The following NAPB variants were observed in gnomAD, a reference collection of about 807,000 sequenced individuals.
NAPB encodes beta-soluble NSF attachment protein.
NAPB carries 26 observed loss-of-function variants against 44.7 expected under a neutral mutation model. That is an observed-to-expected ratio of 0.58 (90% confidence interval 0.43 to 0.81). The LOEUF is 0.81. Among genes scored for constraint, NAPB ranks in the 30% least tolerant of loss-of-function variants. The pLI, the probability that NAPB is intolerant of heterozygous loss-of-function variation, is 0.00. For missense variants in NAPB, 315 were observed against 356.4 expected (o/e 0.88, Z 0.94); for synonymous variants, 120 against 116.8 (o/e 1.03, Z -0.18).
At chr20:23,407,565 C>T (rs1044631110) in intron 1 of NAPB, among the ~76,000 whole-genome samples, 6 of 152,044 alleles carry the variant, frequency 3.9e-5, no homozygotes, top group African/African-American at 1.2e-4. Flanking sequence ...CCAGGTGAAC[C>T]ACCCTTGCAT....
chr20:23,395,040 C>G, intron 4 of NAPB, 41 bp from the exon 5 acceptor site: 1 of 1,612,816 alleles, frequency 6.2e-7, no homozygotes, highest in South Asian at 1.1e-5. Flanking sequence ...CCGATTTTAC[C>G]TATCTGAATG....
At chr20:23,386,348 A>G (rs1360384066) in intron 7 of NAPB, among the ~76,000 whole-genome samples, 1 of 152,220 alleles carries the variant, frequency 6.6e-6, no homozygotes, top group Non-Finnish European at 1.5e-5. Context: ...AAGAGAAATA[A>G]TTGAATTCTA....
At chr20:23,398,518 CCTGG>C (rs1487879264) in intron 2 of NAPB, among the ~76,000 whole-genome samples, 2 of 152,024 alleles carry the variant, frequency 1.3e-5, no homozygotes. Flanking sequence ...TGCCACCACA[CCTGG>C]CTATTTTTTA....
intron 1 of NAPB, among the ~76,000 whole-genome samples, chr20:23,412,864 C>T (rs776624313): frequency 8.5e-5 from 13 of 152,066 alleles, no homozygotes; most frequent in Non-Finnish European, 1.2e-4. Context: ...GGTGTGGTGG[C>T]GTGTGCCTGT....
chr20:23,385,929 A>C (rs899999343), intron 7 of NAPB, among the ~76,000 whole-genome samples: 2 of 152,226 alleles, frequency 1.3e-5, no homozygotes, highest in East Asian at 3.8e-4. Flanking sequence ...CTAGGCCATA[A>C]AACAAAACAA....
intron 5 of NAPB, among the ~76,000 whole-genome samples, chr20:23,393,945 C>T (rs1257156453): frequency 2.0e-5 from 3 of 151,968 alleles, no homozygotes; most frequent in Non-Finnish European, 2.9e-5. Context: ...GGCATGTGTG[C>T]GGAACAGCAA....
intron 1 of NAPB, among the ~76,000 whole-genome samples, chr20:23,421,065 G>A (rs1242904236): frequency 6.6e-6 from 1 of 151,660 alleles, no homozygotes; most frequent in East Asian, 1.9e-4. Context: ...GGGACCCTGG[G>A]GGGGCCTGTG....
chr20:23,415,593 CA>C (rs1379492260), intron 1 of NAPB, among the ~76,000 whole-genome samples: 7 of 150,172 alleles, frequency 4.7e-5, no homozygotes, highest in Non-Finnish European at 7.4e-5. Context: ...GACTCCATTT[CA>C]AAAAAAAAGA....
At chr20:23,420,797 G>T (rs1409837515) in intron 1 of NAPB, among the ~76,000 whole-genome samples, 1 of 133,076 alleles carries the variant, frequency 7.5e-6, no homozygotes, top group East Asian at 2.9e-4. Context: ...CAGAGGGCGC[G>T]TGAGGCTGAC....
intron 10 of NAPB, 125 bp from the exon 11 acceptor site, chr20:23,377,611 T>G (rs1982623021): frequency 2.2e-6 from 1 of 445,038 alleles, no homozygotes; most frequent in South Asian, 9.2e-5. Context: ...TCATTTGAAA[T>G]TAATCATTCC....
At chr20:23,400,112 C>T (rs560848888) in intron 2 of NAPB, among the ~76,000 whole-genome samples, 2 of 152,172 alleles carry the variant, frequency 1.3e-5, no homozygotes, top group Non-Finnish European at 2.9e-5. Flanking sequence ...CAACAGTAAG[C>T]GCTTTAATTT....
chr20:23,379,305 G>C (rs1158314124), intron 10 of NAPB, 140 bp downstream of exon 10: 6 of 603,904 alleles, frequency 9.9e-6, no homozygotes, highest in African/African-American at 1.9e-5. Context: ...TATATAAAAG[G>C]TGACGTTTGG....
At chr20:23,388,751 A>T (rs1263216846) in intron 7 of NAPB, among the ~76,000 whole-genome samples, 1 of 152,214 alleles carries the variant, frequency 6.6e-6, no homozygotes, top group East Asian at 1.9e-4. Context: ...ATATACAAAA[A>T]TTAACTCAAA....
intron 2 of NAPB, among the ~76,000 whole-genome samples, chr20:23,401,834 T>C (rs1284708560): frequency 6.6e-6 from 1 of 152,310 alleles, no homozygotes; most frequent in African/African-American, 2.4e-5. Flanking sequence ...TCAGTCAAGA[T>C]TGTACCACTG....
intron 3 of NAPB, chr20:23,396,778 TTAAAGG>T (rs143128304): frequency 0.018 from 3,170 of 180,128 alleles, 83 homozygotes; most frequent in African/African-American, 0.07. Flanking sequence ...TTAGATAAAA[TTAAAGG>T]TAATTTCCAA....
intron 1 of NAPB, among the ~76,000 whole-genome samples, chr20:23,416,898 T>C (rs1203294618): frequency 6.6e-6 from 1 of 152,174 alleles, no homozygotes; most frequent in Non-Finnish European, 1.5e-5. Context: ...TTAAGAAATA[T>C]TCACAATTTT....
intron 7 of NAPB, among the ~76,000 whole-genome samples, chr20:23,385,383 A>C (rs1983415149): frequency 6.6e-6 from 1 of 152,224 alleles, no homozygotes; most frequent in Non-Finnish European, 1.5e-5. Flanking sequence ...GCAAAGACTG[A>C]CACAATGAAA....
At chr20:23,396,751 T>G (rs1984397818) in intron 3 of NAPB, 1 of 161,964 alleles carries the variant, frequency 6.2e-6, no homozygotes. Flanking sequence ...TTTCACAAAA[T>G]TAAGATATAA....
At chr20:23,406,445 T>C (rs1383054099) in intron 1 of NAPB, among the ~76,000 whole-genome samples, 1 of 152,070 alleles carries the variant, frequency 6.6e-6, no homozygotes, top group Admixed American at 6.6e-5. Flanking sequence ...ACGGTATGTG[T>C]ATTAAATCTC....
Sources: allele counts gnomAD v4.1 joint callset (sites outside exome capture counted in the v4.1 genomes callset), GRCh38; gene constraint gnomAD v4.1.1; transcripts MANE v1.5; gene names NCBI Gene and HGNC (gene_info 2026-07-23, HGNC 2026-07-21).